Variants in PIGG observed in about 807,000 individuals in gnomAD.
PIGG encodes GPI ethanolamine phosphate transferase 2, catalytic subunit.
PIGG carries 70 observed loss-of-function variants against 83.2 expected under a neutral mutation model. The ratio of observed to expected loss-of-function variants is 0.84; its 90% confidence interval spans 0.69 to 1.03. The LOEUF (loss-of-function observed/expected upper bound fraction) is 1.03, where lower values mean the gene tolerates loss of function less well. PIGG is among the 50% of genes least tolerant of loss of function. The pLI, the probability that PIGG is intolerant of heterozygous loss-of-function variation, is 0.00. For synonymous variants in PIGG, 532 were observed against 519.5 expected (o/e 1.02, Z -0.33); for missense variants, 1,257 against 1,233.6 (o/e 1.02, Z -0.28).
intron 11 of PIGG, chr4:532,363 C>T (rs1729264513): frequency 6.6e-6 from 1 of 152,334 alleles, no homozygotes; most frequent in Non-Finnish European, 1.5e-5. Context: ...TCCTAGGTGT[C>T]CTCCTCCCCT....
intron 6 of PIGG, among the ~76,000 whole-genome samples, chr4:517,506 G>A (rs1459343268): frequency 6.6e-6 from 1 of 152,162 alleles, no homozygotes; most frequent in Non-Finnish European, 1.5e-5. Context: ...GGGTGGGGGT[G>A]TTGGTGTCCA....
chr4:518,514 AC>A (rs1179313863), intron 6 of PIGG, among the ~76,000 whole-genome samples: 8 of 152,240 alleles, frequency 5.3e-5, no homozygotes, highest in Non-Finnish European at 8.8e-5. Context: ...AATGGTGTGA[AC>A]CCGGGAGGCG....
At chr4:525,424 G>A (rs1051100234) in intron 9 of PIGG, 6 of 899,508 alleles carry the variant, frequency 6.7e-6, no homozygotes, top group East Asian at 2.4e-4. Context: ...TTGCGGTCCC[G>A]TCACTGCAGA....
rs959654023 is a variant in PIGG, at chr4:521,684, G to A, written c.1357G>A (p.Val453Ile). 1.5e-5 allele frequency: 24 copies of A among 1,613,982 alleles called. No individual in the cohort carries two copies. Among genetic ancestry groups the A allele is most frequent in the Admixed American group, 6.7e-5 (4 of 59,996 alleles). Residue 453 changes from valine to isoleucine, a missense_variant, in exon 8 of 13, where the codon GTC becomes ATC. Coordinates refer to ENST00000453061, the MANE Select transcript of PIGG (RefSeq NM_001127178.3). ...LEVLTLLLLS[V>I]PQALRRKAEL... ...GGTTCTCACCCTGCTCCTGCTCAGC[G>A]TCCCACAGGCACTGCGCAGAAAGGC... is the stretch of plus-strand genomic sequence containing the variant.
rs1271999608 is a variant in PIGG, at chr4:521,653, G to C, written c.1333-7G>C. ...AGTCTGTGGATGCTGCTGTTTCTCTGTTCCAGGTTCTCACCCTGCTCCTGC... is the reference window on the plus strand; with the variant it reads ...AGTCTGTGGATGCTGCTGTTTCTCTCTTCCAGGTTCTCACCCTGCTCCTGC... On this transcript the variant is annotated splice_polypyrimidine_tract_variant and splice_region_variant and intron_variant, in intron 7 of 12. Transcript: ENST00000453061. The C allele has an allele frequency of 1.2e-6, 2 of 1,612,698 alleles. No individual in the cohort carries two copies. Among genetic ancestry groups the C allele is most frequent in the Non-Finnish European group, 1.7e-6 (2 of 1,178,836 alleles).
intron 2 of PIGG, 63 bp downstream of exon 2, chr4:500,664 T>C: frequency 9.6e-7 from 1 of 1,042,794 alleles, no homozygotes; most frequent in East Asian, 2.4e-5. Flanking sequence ...AGAGGGGGTC[T>C]CTGTAGTCTT....
At position 505,817 on chromosome 4, in the gene PIGG, G is replaced by A. The variant is rs1719479054; in HGVS notation, c.460G>A (p.Ala154Thr). The A allele has an allele frequency of 6.2e-7, 1 of 1,613,432 alleles. No individual in the cohort carries two copies. The highest frequency in any genetic ancestry group is 1.7e-5 in the Admixed American group (1 of 59,922). ...CAGTGTGATAAGACAAGCAAAAGCAGCTGGAAAAAGAATAGTCTTTTATGG... is the reference window on the plus strand; with the variant it reads ...CAGTGTGATAAGACAAGCAAAAGCAACTGGAAAAAGAATAGTCTTTTATGG... ...EDSVIRQAKA[A>T]GKRIVFYGDE... The change falls in exon 3 of 13, where the codon GCT (alanine) becomes ACT (threonine). Residue 154 changes from alanine to threonine, a missense_variant. Ala to Thr is a moderately conservative substitution (Grantham distance 58). Coordinates refer to ENST00000453061, the MANE Select transcript of PIGG (RefSeq NM_001127178.3).
Position 530,529 on chromosome 4 carries a change from A to C in PIGG, c.2355A>C (p.Ala785=). Residue 785 remains alanine (A), a synonymous_variant, in exon 11 of 13, where the codon GCA becomes GCC. Transcript: ENST00000453061. ...TACTTAAATCTCAAGTCATTGCTGC[A>C]GACTTCAAACTCAAGACTGTAGGTT... ...KDLLKSQVIA[A]DFKLKTVGLW... 6.2e-7 allele frequency: 1 copy of C among 1,613,100 alleles called. No individual in the cohort carries two copies. The highest frequency in any genetic ancestry group is 8.5e-7 in the Non-Finnish European group (1 of 1,179,042).
intron 9 of PIGG, 43 bp from the exon 10 acceptor site, chr4:526,996 G>T: frequency 6.2e-7 from 1 of 1,611,788 alleles, no homozygotes; most frequent in Non-Finnish European, 8.5e-7. Flanking sequence ...TGATCTTGTC[G>T]CTGTTTGTTT....
At chr4:521,501 A>G (rs1725872524) in intron 7 of PIGG, among the ~76,000 whole-genome samples, 159 bp from the exon 8 acceptor site, 1 of 152,186 alleles carries the variant, frequency 6.6e-6, no homozygotes, top group African/African-American at 2.4e-5. Flanking sequence ...AAATCATGCC[A>G]TGCATTTTGG....
In PIGG at chr4:505,930, C is replaced by T. The variant is rs782485164; in HGVS notation, c.570+3C>T. The T allele has an allele frequency of 1.2e-5, 19 of 1,598,994 alleles. No homozygotes were observed. Among genetic ancestry groups the T allele is most frequent in the Admixed American group, 8.4e-5 (5 of 59,520 alleles). On this transcript the variant is annotated splice_donor_region_variant and intron_variant, in intron 3 of 12. Coordinates refer to ENST00000453061, the MANE Select transcript of PIGG (RefSeq NM_001127178.3). ...TTTTCGTGTCAGATTACACAGAGGT[C>T]AGTTTTTAAAATAAGAAAATATATC...
At position 523,560 on chromosome 4, in the gene PIGG, G is replaced by C. The variant is rs1482302441; in HGVS notation, c.1716G>C (p.Glu572Asp). ...GCCTGGGCGCCAGCAGCTTCGTGGA[G>C]GAGGAGCACCAGACCTGGTACTTCC... ...VLSLGASSFV[E>D]EEHQTWYFLV... The change falls in exon 9 of 13, where the codon GAG becomes GAC. Residue 572 changes from glutamate (E) to aspartate (D), a missense_variant. Transcript: ENST00000453061. 6.2e-7 allele frequency: 1 copy of C among 1,614,172 alleles called. No individual in the cohort carries two copies. The highest frequency in any genetic ancestry group is 1.1e-5 in the South Asian group (1 of 91,090).
In PIGG at chr4:499,299, G is replaced by A. The variant is rs1553873861; in HGVS notation, c.-37G>A. Reference sequence around the variant, plus strand: ...CGGCTGCAGCAGGGCGAGGCTCCAGGTGGGGTCGGTTCCGCATCCAGCCTA... The same window carrying A: ...CGGCTGCAGCAGGGCGAGGCTCCAGATGGGGTCGGTTCCGCATCCAGCCTA... On this transcript the variant is annotated 5_prime_UTR_variant, in exon 1 of 13. In the 5' UTR this introduces an upstream ATG that the reference lacks. Coordinates refer to ENST00000453061, the MANE Select transcript of PIGG (RefSeq NM_001127178.3). 2 of 1,597,092 alleles carry A rather than the reference G, an allele frequency of 1.3e-6. No individual in the cohort carries two copies. Among genetic ancestry groups the A allele is most frequent in the South Asian group, 1.1e-5 (1 of 90,300 alleles).
rs565763412 is a variant in PIGG, at chr4:507,963, ACT to A, written c.759+375_759+376del. Among the ~76,000 whole-genome samples the A allele has an allele frequency of 5.1e-3, 731 of 144,120 alleles. 2 individuals carry two copies. The highest frequency in any genetic ancestry group is 0.018 in the African/African-American group (690 of 38,618). The allele number at this position is 144,120 out of a possible 152,430, so 94.5% of individuals were successfully genotyped here. A position where few individuals can be genotyped will look rare whatever the true frequency, so the allele number is the denominator to read the frequency against. On this transcript the variant is annotated intron_variant, in intron 4 of 12. Transcript: ENST00000453061. ...TCTGTGTCACTCTCTCTTCTGTGTC[ACT>A]CTCTGTTCTGTGTCACTCTCTCTGC...
chr4:534,659 C>T (rs1729956477), intron 12 of PIGG, among the ~76,000 whole-genome samples: 1 of 152,252 alleles, frequency 6.6e-6, no homozygotes, highest in South Asian at 2.1e-4. Flanking sequence ...CCTGAGGTCT[C>T]CTCTCCAACA....
intron 12 of PIGG, among the ~76,000 whole-genome samples, chr4:535,435 G>A (rs780816986): frequency 3.9e-5 from 6 of 152,194 alleles, no homozygotes; most frequent in South Asian, 2.1e-4. Flanking sequence ...ACCGCGGCCC[G>A]GCCTCCTCCC....
At chr4:529,877 G>A (rs917246102) in intron 10 of PIGG, among the ~76,000 whole-genome samples, 1 of 152,212 alleles carries the variant, frequency 6.6e-6, no homozygotes, top group Admixed American at 6.5e-5. Context: ...ACTGAGCAGA[G>A]CTCTGCCTTT....
rs557138878 is a variant in PIGG, at chr4:514,479, C to T, written c.902-1494C>T. Among the ~76,000 whole-genome samples the T allele has an allele frequency of 5.3e-5, 8 of 152,266 alleles. No homozygotes were observed. In the South Asian group the frequency reaches 1.2e-3, roughly 24 times the overall value. ...ACTCTTTGCTTTACTACAGTTTACT[C>T]GTGCACATTTCCTTCTTGAGACCTA... On this transcript the variant is annotated intron_variant, in intron 5 of 12. Transcript: ENST00000453061.
intron 6 of PIGG, among the ~76,000 whole-genome samples, chr4:518,284 TAA>T (rs1329097462): frequency 6.6e-6 from 1 of 152,216 alleles, no homozygotes; most frequent in Admixed American, 6.5e-5. Flanking sequence ...TTTTCTACGC[TAA>T]GAGTGATAAA....
Sources: allele counts gnomAD v4.1 joint callset (sites outside exome capture counted in the v4.1 genomes callset), GRCh38; gene constraint gnomAD v4.1.1; transcripts MANE v1.5; gene names NCBI Gene and HGNC (gene_info 2026-07-23, HGNC 2026-07-21).